The following LPP variants were observed in gnomAD, a reference collection of about 807,000 sequenced individuals.
The protein encoded by LPP is lipoma-preferred partner.
A neutral mutation model predicts 60.4 loss-of-function variants in LPP; 38 were observed. The ratio of observed to expected loss-of-function variants is 0.63; its 90% CI spans 0.49 to 0.83. LPP has a LOEUF of 0.83. Among genes scored for constraint, LPP ranks in the 40% least tolerant of loss-of-function variants. The probability of loss-of-function intolerance (pLI) is 0.00; values close to 1 mark genes in which losing one functional copy is unlikely to be tolerated. For missense variants in LPP, 902 were observed against 783.6 expected (o/e 1.15, Z -1.80); for synonymous variants, 328 against 290.8 (o/e 1.13, Z -1.30).
At chr3:188,188,085 C>G (rs1280613151) in intron 1 of LPP, among the ~76,000 whole-genome samples, 1 of 152,138 alleles carries the variant, frequency 6.6e-6, no homozygotes, top group Non-Finnish European at 1.5e-5. Context: ...CTCTTTTGAA[C>G]ATTTTTATGC....
At chr3:188,260,159 C>T (rs746454047) in intron 2 of LPP, among the ~76,000 whole-genome samples, 5 of 152,076 alleles carry the variant, frequency 3.3e-5, no homozygotes, top group Non-Finnish European at 7.4e-5. Context: ...CCTGCCTTAG[C>T]CTCCCAAGTA....
intron 3 of LPP, among the ~76,000 whole-genome samples, chr3:188,383,949 G>T (rs1275072524): frequency 6.6e-6 from 1 of 152,078 alleles, no homozygotes; most frequent in East Asian, 1.9e-4. Flanking sequence ...GTTAATCATT[G>T]ATACCACCAG....
At chr3:188,680,994 C>CTTTTT (rs11307025) in intron 7 of LPP, among the ~76,000 whole-genome samples, 69 of 129,106 alleles carry the variant, frequency 5.3e-4, no homozygotes, top group African/African-American at 1.7e-3. Flanking sequence ...GGTGCATTTC[C>CTTTTT]TTTTTTTTTT....
At chr3:188,827,419 G>A (rs1345603063) in intron 9 of LPP, among the ~76,000 whole-genome samples, 1 of 152,206 alleles carries the variant, frequency 6.6e-6, no homozygotes, top group Non-Finnish European at 1.5e-5. Context: ...CAAAGTAACA[G>A]CAACTTTAGA....
intron 3 of LPP, among the ~76,000 whole-genome samples, chr3:188,398,055 C>T (rs1314181112): frequency 2.6e-5 from 4 of 152,156 alleles, no homozygotes; most frequent in Non-Finnish European, 2.9e-5. Context: ...ACAAGGAGTG[C>T]ACCATTAGTG....
At chr3:188,855,901 C>T (rs1257179160) in intron 9 of LPP, among the ~76,000 whole-genome samples, 1 of 152,176 alleles carries the variant, frequency 6.6e-6, no homozygotes, top group Admixed American at 6.6e-5. Context: ...TTTCTCCTTG[C>T]CACTGAGCCA....
intron 6 of LPP, among the ~76,000 whole-genome samples, chr3:188,566,366 T>C (rs1024202665): frequency 6.6e-6 from 1 of 151,964 alleles, no homozygotes; most frequent in Non-Finnish European, 1.5e-5. Context: ...GTTTTGAAAA[T>C]GAACATTGAT....
At chr3:188,264,727 G>C (rs1159458065) in intron 2 of LPP, among the ~76,000 whole-genome samples, 1 of 151,880 alleles carries the variant, frequency 6.6e-6, no homozygotes, top group Non-Finnish European at 1.5e-5. Flanking sequence ...TCATTGTCCT[G>C]GTCACTTCCC....
chr3:188,522,815 A>ATATATATATG (rs796830660), intron 5 of LPP, among the ~76,000 whole-genome samples: 31 of 136,508 alleles, frequency 2.3e-4, no homozygotes, highest in South Asian at 1.2e-3. Context: ...ATATATATAT[A>ATATATATATG]TGTGTATGTG....
intron 6 of LPP, among the ~76,000 whole-genome samples, chr3:188,541,852 G>A (rs185405967): frequency 1.3e-5 from 2 of 152,128 alleles, no homozygotes; most frequent in East Asian, 3.9e-4. Flanking sequence ...GGCCGAGATT[G>A]CACCCCTGCA....
At chr3:188,324,020 T>G (rs1757674716) in intron 2 of LPP, among the ~76,000 whole-genome samples, 1 of 151,048 alleles carries the variant, frequency 6.6e-6, no homozygotes, top group Non-Finnish European at 1.5e-5. Context: ...AAGCTTTCAA[T>G]AAATGATTGG....
At chr3:188,627,188 G>A (rs1406929619) in intron 7 of LPP, among the ~76,000 whole-genome samples, 1 of 152,090 alleles carries the variant, frequency 6.6e-6, no homozygotes, top group African/African-American at 2.4e-5. Context: ...CTTCTACAAG[G>A]ACACCTTTAA....
chr3:188,698,499 G>A (rs62290048), intron 7 of LPP, among the ~76,000 whole-genome samples: 14,614 of 151,776 alleles, frequency 0.096, 896 homozygotes, highest in Middle Eastern at 0.14. Context: ...GAGAAAACTC[G>A]CTTTCTCCTT....
chr3:188,654,892 T>C (rs141301041), intron 7 of LPP, among the ~76,000 whole-genome samples: 10 of 152,294 alleles, frequency 6.6e-5, no homozygotes, highest in African/African-American at 2.2e-4. Context: ...AAGGAAACAA[T>C]CCTAATCATA....
chr3:188,218,452 A>T (rs567138040), intron 1 of LPP, among the ~76,000 whole-genome samples: 1 of 152,176 alleles, frequency 6.6e-6, no homozygotes, highest in Non-Finnish European at 1.5e-5. Flanking sequence ...TACTATAATC[A>T]GCCTAAGCCC....
chr3:188,853,596 CAG>C (rs1244905369), intron 9 of LPP, among the ~76,000 whole-genome samples: 1 of 152,140 alleles, frequency 6.6e-6, no homozygotes, highest in Admixed American at 6.5e-5. Context: ...GGGGCCTAGA[CAG>C]GGGAGGTAGG....
chr3:188,884,481 C>T lies in LPP; in HGVS notation c.*10002C>T, dbSNP rs79509744. Reference sequence around the variant, plus strand: ...ATCTGTGTCTTCTTGTGGGAAACCTCTAGGTATTCTGTCTGATCAGCACTG... The same window carrying T: ...ATCTGTGTCTTCTTGTGGGAAACCTTTAGGTATTCTGTCTGATCAGCACTG... On this transcript the variant is annotated 3_prime_UTR_variant, in exon 12 of 12. Coordinates refer to ENST00000617246, the MANE Select transcript of LPP (RefSeq NM_001375462.1). 1 of 229,142 alleles carries T rather than the reference C, an allele frequency of 4.4e-6. No homozygotes were observed. The highest frequency in any genetic ancestry group is 2.2e-5 in the African/African-American group (1 of 45,260). 14.2% of individuals were successfully genotyped at this position (229,142 alleles called of 1,614,324 possible). A position where few individuals can be genotyped will look rare whatever the true frequency, so the allele number is the denominator to read the frequency against.
At chr3:188,489,054 T>C (rs2162261) in intron 5 of LPP, among the ~76,000 whole-genome samples, 67,860 of 152,172 alleles carry the variant, frequency 0.45, 18,303 homozygotes, top group Middle Eastern at 0.61. Flanking sequence ...AGAAGTCACG[T>C]GTCTCAGAAT....
At chr3:188,259,117 C>T (rs1009594904) in intron 2 of LPP, among the ~76,000 whole-genome samples, 8 of 152,148 alleles carry the variant, frequency 5.3e-5, no homozygotes, top group African/African-American at 1.4e-4. Flanking sequence ...AATTTTACTC[C>T]AGAACATACT....
Sources: gnomAD v4.1 joint callset for allele counts (sites outside exome capture counted in the v4.1 genomes callset) on GRCh38, gnomAD v4.1.1 for gene constraint, MANE v1.5 for transcripts, NCBI Gene and HGNC (gene_info 2026-07-23, HGNC 2026-07-21) for gene names.